The following HLF variants were observed in gnomAD, a reference collection of about 807,000 sequenced individuals.
HLF encodes HLF transcription factor, PAR bZIP family member, also known as hepatic leukemia factor.
Under a neutral mutation model 22.6 loss-of-function variants are expected in HLF, and 3 were observed. That is an observed-to-expected ratio of 0.13 (90% CI 0.06 to 0.34). The LOEUF is 0.34. Among genes scored for constraint, HLF ranks in the 10% least tolerant of loss-of-function variants. The pLI, the probability that HLF is intolerant of heterozygous loss-of-function variation, is 1.00. For missense variants in HLF, 299 were observed against 389.2 expected, an observed-to-expected ratio of 0.77 and a Z score of 1.95; for synonymous variants, 151 against 151.8, an observed-to-expected ratio of 0.99 and a Z score of 0.04.
At chr17:55,286,572 A>G (rs1220073215) in intron 2 of HLF, among the ~76,000 whole-genome samples, 1 of 152,234 alleles carries the variant, frequency 6.6e-6, no homozygotes, top group African/African-American at 2.4e-5. Context: ...AACCTTCCTT[A>G]GGAAAGACTT....
At position 55,323,713 on chromosome 17, in the gene HLF, T is replaced by C. The variant is rs1467254161; in HGVS notation, c.*2834T>C. On this transcript the variant is annotated 3_prime_UTR_variant, in exon 4 of 4. Coordinates refer to ENST00000226067, the MANE Select transcript of HLF (RefSeq NM_002126.5). ...AGTTAACTAGCAAACAAGGCAGATC[T>C]GCTTCATGGAGCGGGAGGCCATGGC... The C allele has an allele frequency of 4.3e-6, 1 of 230,364 alleles. No individual in the cohort carries two copies. Among genetic ancestry groups the C allele is most frequent in the Non-Finnish European group, 8.6e-6 (1 of 115,962 alleles). 14.3% of individuals were successfully genotyped at this position (230,364 alleles called of 1,614,324 possible).
intron 2 of HLF, among the ~76,000 whole-genome samples, chr17:55,303,424 A>G (rs1904391283): frequency 6.6e-6 from 1 of 152,224 alleles, no homozygotes; most frequent in Non-Finnish European, 1.5e-5. Context: ...AGAGGAAACT[A>G]GAAAGCTACC....
rs2081031455 is a variant in HLF at position 55,288,776 on chromosome 17, T to TA, written c.451+20698dup. 1.3e-4 allele frequency: 40 copies of TA among 309,630 alleles called. No homozygotes were observed. The South Asian group carries it at 2.7e-3, about 21-fold the overall frequency. 19.2% of individuals were successfully genotyped at this position (309,630 alleles called of 1,614,324 possible). A position where few individuals can be genotyped will look rare whatever the true frequency, so the allele number is the denominator to read the frequency against. On this transcript the variant is annotated intron_variant, in intron 2 of 3. Coordinates refer to ENST00000226067, the MANE Select transcript of HLF (RefSeq NM_002126.5). ...GTCTCAAAAAAAAAAAAAGTTAAATTAAAAAAAATATTCAAGAATGAAGAG... is the reference window on the plus strand; with the variant it reads ...GTCTCAAAAAAAAAAAAAGTTAAATTAAAAAAAAATATTCAAGAATGAAGAG...
intron 2 of HLF, among the ~76,000 whole-genome samples, chr17:55,280,190 G>T (rs1307315507): frequency 2.0e-5 from 3 of 152,188 alleles, no homozygotes; most frequent in African/African-American, 4.8e-5. Context: ...GGACACTTAA[G>T]TAGGAACACA....
chr17:55,274,798 C>T (rs967240365), intron 2 of HLF, among the ~76,000 whole-genome samples: 1 of 152,216 alleles, frequency 6.6e-6, no homozygotes, highest in Non-Finnish European at 1.5e-5. Context: ...CAGTGCCTCG[C>T]ACACAGCAAG....
chr17:55,278,976 C>T (rs1292569024), intron 2 of HLF, among the ~76,000 whole-genome samples: 1 of 152,082 alleles, frequency 6.6e-6, no homozygotes, highest in Non-Finnish European at 1.5e-5. Context: ...TTCCTGAAGA[C>T]AAGAAGAGAG....
At chr17:55,273,672 C>G (rs560498420) in intron 2 of HLF, 2 of 152,390 alleles carry the variant, frequency 1.3e-5, no homozygotes, top group African/African-American at 4.8e-5. Context: ...GCAACCCTGG[C>G]TGCCTGCCTG....
Position 55,321,916 on chromosome 17 carries a change from A to G in HLF, c.*1037A>G, listed in dbSNP as rs1032684862. ...CACTTTTCTAGTTAACTTTTTCCAT[A>G]TCCCTCTTGACATTCAAAACAGTTA... On this transcript the variant is annotated 3_prime_UTR_variant, in exon 4 of 4. Transcript: ENST00000226067. 2.6e-5 allele frequency: 6 copies of G among 230,164 alleles called. No individual in the cohort carries two copies. Among genetic ancestry groups the G allele is most frequent in the African/African-American group, 1.3e-4 (6 of 45,046 alleles). 14.3% of individuals were successfully genotyped at this position (230,164 alleles called of 1,614,324 possible).
At chr17:55,311,299 G>A (rs547757090) in intron 2 of HLF, among the ~76,000 whole-genome samples, 32 of 152,040 alleles carry the variant, frequency 2.1e-4, no homozygotes, top group African/African-American at 6.8e-4. Context: ...ACTAAGAGTA[G>A]TCTCTACTAA....
intron 2 of HLF, among the ~76,000 whole-genome samples, chr17:55,281,045 C>G (rs370392960): frequency 6.6e-5 from 10 of 152,278 alleles, no homozygotes; most frequent in East Asian, 1.9e-4. Flanking sequence ...ACGCTTGATA[C>G]AGTATGTTGT....
chr17:55,273,975 T>C (rs2080881228), intron 2 of HLF, among the ~76,000 whole-genome samples: 2 of 152,166 alleles, frequency 1.3e-5, no homozygotes, highest in South Asian at 4.1e-4. Flanking sequence ...TTCTCTGCAC[T>C]GCTGCGGTGG....
chr17:55,313,717 C>T (rs1357004754), intron 2 of HLF, among the ~76,000 whole-genome samples: 1 of 152,254 alleles, frequency 6.6e-6, no homozygotes, highest in Middle Eastern at 3.4e-3. Flanking sequence ...CCATCCAGTA[C>T]AGAACTCAGC....
chr17:55,268,875 C>T (rs895746533), intron 2 of HLF, among the ~76,000 whole-genome samples: 1 of 152,154 alleles, frequency 6.6e-6, no homozygotes, highest in African/African-American at 2.4e-5. Context: ...ACTTCAAAAC[C>T]CACTGCTAAT....
At chr17:55,317,712 A>G (rs976465735) in intron 3 of HLF, among the ~76,000 whole-genome samples, 2 of 152,160 alleles carry the variant, frequency 1.3e-5, no homozygotes, top group Admixed American at 1.3e-4. Flanking sequence ...ATGGAGGAGA[A>G]GGTGTTTCTG....
chr17:55,268,369 C>T (rs1031321930), intron 2 of HLF, among the ~76,000 whole-genome samples: 1 of 152,152 alleles, frequency 6.6e-6, no homozygotes, highest in Non-Finnish European at 1.5e-5. Flanking sequence ...TAACCAGCTC[C>T]CCCATGGGAT....
intron 2 of HLF, among the ~76,000 whole-genome samples, chr17:55,295,969 G>A (rs2081108489): frequency 6.6e-6 from 1 of 152,194 alleles, no homozygotes; most frequent in Non-Finnish European, 1.5e-5. Context: ...AATGCATATG[G>A]CATCTGTGTG....
intron 2 of HLF, among the ~76,000 whole-genome samples, chr17:55,277,272 T>TGC (rs1309432333): frequency 1.2e-4 from 14 of 114,778 alleles, no homozygotes; most frequent in South Asian, 3.2e-4. Context: ...TGTGTGTGTG[T>TGC]GTGCGCGCGC....
At chr17:55,291,815 G>T (rs1470831328) in intron 2 of HLF, among the ~76,000 whole-genome samples, 1 of 152,222 alleles carries the variant, frequency 6.6e-6, no homozygotes, top group East Asian at 1.9e-4. Flanking sequence ...AAACATTCAT[G>T]ATTCATGGGA....
intron 2 of HLF, among the ~76,000 whole-genome samples, chr17:55,270,525 A>G (rs2080841917): frequency 6.6e-6 from 1 of 152,252 alleles, no homozygotes; most frequent in African/African-American, 2.4e-5. Flanking sequence ...AGAAGTACCA[A>G]GTTAATCTTG....
Sources: gnomAD v4.1 joint callset for allele counts (sites outside exome capture counted in the v4.1 genomes callset) on GRCh38, gnomAD v4.1.1 for gene constraint, MANE v1.5 for transcripts, NCBI Gene and HGNC (gene_info 2026-07-23, HGNC 2026-07-21) for gene names.